UBE2E1: variants seen among roughly 807,000 people sequenced by gnomAD.
UBE2E1 encodes the protein ubiquitin-conjugating enzyme E2 E1.
A neutral mutation model predicts 21.4 loss-of-function variants in UBE2E1; 6 were observed. That is an observed-to-expected ratio of 0.28 (90% CI 0.15 to 0.55). The LOEUF (loss-of-function observed/expected upper bound fraction) is 0.55, where lower values mean the gene tolerates loss of function less well. UBE2E1 is among the 20% of genes least tolerant of loss of function. UBE2E1 has a pLI of 0.93. For synonymous variants in UBE2E1, 87 were observed against 82.7 expected (o/e 1.05, Z -0.28); for missense variants, 142 against 236.5 (o/e 0.60, Z 2.62).
chr3:23,891,148 A>T lies in UBE2E1; in HGVS notation c.*542A>T, dbSNP rs1701427688. On this transcript the variant is annotated 3_prime_UTR_variant, in exon 6 of 6. Transcript: ENST00000306627. ...TATGCCAATCTACTTTGTTTAAAAA[A>T]GGTCTGAATCAGGACTTGTGAAAAC... 1 of 152,654 alleles carries T rather than the reference A, an allele frequency of 6.6e-6. No homozygotes were observed. The allele number at this position is 152,654 out of a possible 1,614,324, so 9.5% of individuals were successfully genotyped here.
Position 23,836,747 on chromosome 3 carries a change from C to G in UBE2E1, c.203+25237C>G, listed in dbSNP as rs1699983002. Among the ~76,000 whole-genome samples, 1 of 152,184 alleles carries G rather than the reference C, an allele frequency of 6.6e-6. No homozygotes were observed. ...TCTTCTGATTCTTAACCATTGTACA[C>G]TCTCTACCGTGTCCCTCAGGGGCAT... On this transcript the variant is annotated intron_variant, in intron 3 of 5. Transcript: ENST00000306627. The surrounding 1 kb of genome is among the most constrained non-coding windows in gnomAD (Gnocchi z 4.1).
chr3:23,873,762 A>G (rs1700854830), intron 3 of UBE2E1, among the ~76,000 whole-genome samples: 2 of 152,204 alleles, frequency 1.3e-5, no homozygotes, highest in Non-Finnish European at 2.9e-5. Flanking sequence ...AAAAAATAAG[A>G]GACCGGCAGG....
chr3:23,847,905 T>C (rs1426920417), intron 3 of UBE2E1, among the ~76,000 whole-genome samples: 1 of 152,206 alleles, frequency 6.6e-6, no homozygotes, highest in African/African-American at 2.4e-5. Flanking sequence ...CAATAGCTGT[T>C]ATCAGTTTCT....
At chr3:23,889,463 A>G in intron 5 of UBE2E1, 2 of 1,404,860 alleles carry the variant, frequency 1.4e-6, no homozygotes, top group South Asian at 3.3e-5. Context: ...TCTAGCAACA[A>G]GGTATTTTAA....
In UBE2E1 at chr3:23,821,386, C is replaced by T. The variant is rs78540594; in HGVS notation, c.203+9876C>T. Among the ~76,000 whole-genome samples, 113 of 152,264 alleles carry T rather than the reference C, an allele frequency of 7.4e-4. 1 individual carries two copies. The highest frequency in any genetic ancestry group is 2.6e-3 in the African/African-American group (108 of 41,538). ...GGGAAGGTAAAAACAGGCCCTGAGGCGGGGACAAGTCAGGTGATGCTGATT... is the reference window on the plus strand; with the variant it reads ...GGGAAGGTAAAAACAGGCCCTGAGGTGGGGACAAGTCAGGTGATGCTGATT... On this transcript the variant is annotated intron_variant, in intron 3 of 5. Coordinates refer to ENST00000306627, the MANE Select transcript of UBE2E1 (RefSeq NM_003341.5).
intron 3 of UBE2E1, among the ~76,000 whole-genome samples, chr3:23,874,449 G>C (rs1402145538): frequency 6.6e-6 from 1 of 152,158 alleles, no homozygotes; most frequent in African/African-American, 2.4e-5. Context: ...CCTGTGAACT[G>C]AAGAACCAGG....
intron 3 of UBE2E1, among the ~76,000 whole-genome samples, chr3:23,859,554 T>C (rs1421245764): frequency 6.6e-6 from 1 of 152,264 alleles, no homozygotes; most frequent in East Asian, 1.9e-4. Flanking sequence ...TGAGCAACAG[T>C]TGGCCATGCC....
In UBE2E1 at chr3:23,886,449, T is replaced by C. The variant is rs146999188; in HGVS notation, c.204-1118T>C. ...GTTCTTCCCATTACCCGCTATTCGGTTGCCCATATTTTCTCCCTCCTTTTT... is the reference window on the plus strand; with the variant it reads ...GTTCTTCCCATTACCCGCTATTCGGCTGCCCATATTTTCTCCCTCCTTTTT... On this transcript the variant is annotated intron_variant, in intron 3 of 5. Coordinates refer to ENST00000306627, the MANE Select transcript of UBE2E1 (RefSeq NM_003341.5). Among the ~76,000 whole-genome samples, 789 of 152,332 alleles carry C rather than the reference T, an allele frequency of 5.2e-3. 18 individuals are homozygous for C. Among genetic ancestry groups the C allele is most frequent in the Admixed American group, 0.046 (698 of 15,302 alleles).
intron 3 of UBE2E1, among the ~76,000 whole-genome samples, chr3:23,840,775 G>A (rs546061330): frequency 1.8e-4 from 27 of 152,090 alleles, no homozygotes; most frequent in Non-Finnish European, 2.8e-4. Flanking sequence ...ACAGATCTCC[G>A]GAGTTCTGTC....
intron 3 of UBE2E1, among the ~76,000 whole-genome samples, chr3:23,844,398 C>G (rs1231305673): frequency 6.6e-6 from 1 of 152,166 alleles, no homozygotes; most frequent in African/African-American, 2.4e-5. Flanking sequence ...CTCCCTGTTG[C>G]TATGCAAGCA....
chr3:23,821,358 A>T (rs1699640158), intron 3 of UBE2E1, among the ~76,000 whole-genome samples: 1 of 152,272 alleles, frequency 6.6e-6, no homozygotes, highest in South Asian at 2.1e-4. Context: ...CATCTGGGAC[A>T]GAGGGAAGGT....
intron 3 of UBE2E1, among the ~76,000 whole-genome samples, chr3:23,835,685 A>T (rs1699962015): frequency 2.0e-5 from 3 of 152,202 alleles, no homozygotes; most frequent in Non-Finnish European, 4.4e-5. Context: ...ATCATCAATT[A>T]TTCAAAATAA....
chr3:23,840,622 T>C lies in UBE2E1; in HGVS notation c.203+29112T>C, dbSNP rs543394376. Among the ~76,000 whole-genome samples the C allele has an allele frequency of 5.3e-5, 8 of 152,328 alleles. No individual in the cohort carries two copies. In the South Asian group the frequency reaches 1.7e-3, roughly 32 times the overall value. On this transcript the variant is annotated intron_variant, in intron 3 of 5. Transcript: ENST00000306627. ...CCAGGGTCTTTTTCTTTCTGACTAA[T>C]GGCAATGCAAACTATTCTCAGCCCT...
At chr3:23,812,829 A>G (rs922472236) in intron 3 of UBE2E1, among the ~76,000 whole-genome samples, 1 of 152,072 alleles carries the variant, frequency 6.6e-6, no homozygotes, top group Non-Finnish European at 1.5e-5. Flanking sequence ...ACATTCCCCA[A>G]GGTGGTTCTG....
At chr3:23,834,927 A>G (rs1216934779) in intron 3 of UBE2E1, among the ~76,000 whole-genome samples, 1 of 152,220 alleles carries the variant, frequency 6.6e-6, no homozygotes, top group East Asian at 1.9e-4. Flanking sequence ...ATGTTTTAAG[A>G]CTTGTGGTAT....
Position 23,807,382 on chromosome 3 carries a change from T to G in UBE2E1, c.113T>G (p.Met38Arg), listed in dbSNP as rs1699301696. 6.2e-7 allele frequency: 1 copy of G among 1,613,528 alleles called. No individual in the cohort carries two copies. Among genetic ancestry groups the G allele is most frequent in the Non-Finnish European group, 8.5e-7 (1 of 1,179,858 alleles). ...AAGAAGAAGGAGAGTAAAGTCAGCA[T>G]GAGCAAAAACTCCAAACTCCTCTCC... ...TPKKKESKVS[M>R]SKNSKLLSTS... Residue 38 changes from methionine (M) to arginine (R), a missense_variant, in exon 2 of 6, where the codon ATG (methionine) becomes AGG (arginine). Met to Arg is a moderately conservative substitution (Grantham distance 91). Transcript: ENST00000306627.
intron 3 of UBE2E1, among the ~76,000 whole-genome samples, chr3:23,835,551 A>C (rs1209139935): frequency 6.6e-6 from 1 of 152,190 alleles, no homozygotes; most frequent in African/African-American, 2.4e-5. Flanking sequence ...CACCTGCATT[A>C]AAACAAAACT....
intron 3 of UBE2E1, among the ~76,000 whole-genome samples, chr3:23,875,804 GCT>G (rs1245116251): frequency 6.6e-6 from 1 of 152,150 alleles, no homozygotes; most frequent in Non-Finnish European, 1.5e-5. Context: ...ACGGAGTCTC[GCT>G]CTGTCGCCCA....
intron 3 of UBE2E1, chr3:23,879,213 A>G (rs1163503588): frequency 2.9e-5 from 25 of 877,016 alleles, no homozygotes; most frequent in South Asian, 1.1e-4. Context: ...AACAAATACA[A>G]TGCCATCTGT....
Sources: gnomAD v4.1 joint callset for allele counts (sites outside exome capture counted in the v4.1 genomes callset) on GRCh38, gnomAD v4.1.1 for gene constraint, Gnocchi (gnomAD v3.1) non-coding constraint, MANE v1.5 for transcripts, NCBI Gene and HGNC (gene_info 2026-07-23, HGNC 2026-07-21) for gene names.